The following KLF17 variants were observed in gnomAD, a reference collection of about 807,000 sequenced individuals.
KLF17 encodes KLF transcription factor 17.
A neutral mutation model predicts 34.2 loss-of-function variants in KLF17; 31 were observed. The observed-to-expected ratio is 0.91, with a 90% confidence interval of 0.68 to 1.22. The LOEUF (loss-of-function observed/expected upper bound fraction) is 1.22, where lower values mean the gene tolerates loss of function less well. Ranked by LOEUF, KLF17 falls within the 50% of genes most tolerant of loss-of-function variation. The pLI is 0.00. For synonymous variants in KLF17, 179 were observed against 186.7 expected, an observed-to-expected ratio of 0.96 and a Z score of 0.34; for missense variants, 478 against 505.2, an observed-to-expected ratio of 0.95 and a Z score of 0.52.
chr1:44,103,343 C>A, the KLF17 span: 3 of 641,016 alleles, frequency 4.7e-6, no homozygotes, highest in East Asian at 2.8e-5. Context: ...GGACACCGGA[C>A]TCGGACACCG....
chr1:44,119,459 T>C (rs2087922350), intron 1 of KLF17, among the ~76,000 whole-genome samples: 1 of 151,470 alleles, frequency 6.6e-6, no homozygotes, highest in Non-Finnish European at 1.5e-5. Context: ...GTGGTAGGCT[T>C]TTCCCAGACC....
the KLF17 span, among the ~76,000 whole-genome samples, chr1:44,074,498 C>G: frequency 2.0e-5 from 3 of 152,158 alleles, no homozygotes; most frequent in African/African-American, 7.2e-5. Context: ...TCCAGTCTGC[C>G]CACCCAGGGG....
At position 44,129,901 on chromosome 1, in the gene KLF17, G is replaced by A; in HGVS notation, c.630G>A (p.Gln210=). 6.2e-7 allele frequency: 1 copy of A among 1,614,194 alleles called. No individual in the cohort carries two copies. Among genetic ancestry groups the A allele is most frequent in the Non-Finnish European group, 8.5e-7 (1 of 1,180,044 alleles). ...AGGCAGTGCTCCCCTCCATGGCTCAGATGTTGCCCCCGCAAGATGCCCATG... is the reference window on the plus strand; with the variant it reads ...AGGCAGTGCTCCCCTCCATGGCTCAAATGTTGCCCCCGCAAGATGCCCATG... ...EAQAVLPSMA[Q]MLPPQDAHDL... Residue 210 remains glutamine, a synonymous_variant, in exon 2 of 4, where the codon CAG becomes CAA. Coordinates refer to ENST00000372299, the MANE Select transcript of KLF17 (RefSeq NM_173484.4).
chr1:44,048,149 T>C, the KLF17 span: 2 of 152,004 alleles, frequency 1.3e-5, no homozygotes, highest in Non-Finnish European at 2.9e-5. Flanking sequence ...CTAATGGCAA[T>C]GGCCCAGAGA....
At chr1:44,050,430 A>G in the KLF17 span, among the ~76,000 whole-genome samples, 2 of 152,316 alleles carry the variant, frequency 1.3e-5, no homozygotes, top group East Asian at 3.9e-4. Flanking sequence ...CAGTGACCCA[A>G]CAACTGGGAA....
the KLF17 span, among the ~76,000 whole-genome samples, chr1:44,077,111 G>A: frequency 0.41 from 61,700 of 151,042 alleles, 12,983 homozygotes; most frequent in East Asian, 0.56. Flanking sequence ...TTGGAAGGCC[G>A]AGGCGGGCAG....
chr1:44,099,628 A>T, the KLF17 span, among the ~76,000 whole-genome samples: 1 of 151,636 alleles, frequency 6.6e-6, no homozygotes, highest in African/African-American at 2.4e-5. Context: ...AGCCTGGCCA[A>T]CATGGTTAAA....
chr1:44,131,612 C>T (rs1407102786), intron 3 of KLF17, among the ~76,000 whole-genome samples: 2 of 152,194 alleles, frequency 1.3e-5, no homozygotes, highest in Non-Finnish European at 2.9e-5. Context: ...TTCTTCCCAC[C>T]ACTTTACAGA....
At chr1:44,089,192 A>G in the KLF17 span, among the ~76,000 whole-genome samples, 1 of 152,182 alleles carries the variant, frequency 6.6e-6, no homozygotes, top group Non-Finnish European at 1.5e-5. Context: ...ATAGAAGAAA[A>G]TATCTGCAAT....
the KLF17 span, among the ~76,000 whole-genome samples, chr1:44,074,485 C>T: frequency 3.9e-5 from 6 of 152,184 alleles, no homozygotes; most frequent in Non-Finnish European, 7.3e-5. Flanking sequence ...ATACCTTCCC[C>T]ATTCCAGTCT....
the KLF17 span, among the ~76,000 whole-genome samples, chr1:44,085,043 C>T: frequency 3.3e-5 from 5 of 151,144 alleles, no homozygotes; most frequent in African/African-American, 1.2e-4. Flanking sequence ...GTGAGCATTA[C>T]TGTTCATTCA....
chr1:44,055,442 G>A, the KLF17 span, among the ~76,000 whole-genome samples: 2 of 152,120 alleles, frequency 1.3e-5, no homozygotes, highest in South Asian at 2.1e-4. Context: ...ATTTTCCCAC[G>A]GGTTTTTACT....
chr1:44,094,565 C>T, the KLF17 span, among the ~76,000 whole-genome samples: 1 of 152,162 alleles, frequency 6.6e-6, no homozygotes, highest in Non-Finnish European at 1.5e-5. Context: ...CTATGGCTAT[C>T]CATTTTCCCC....
At chr1:44,057,019 G>A in the KLF17 span, among the ~76,000 whole-genome samples, 7 of 151,916 alleles carry the variant, frequency 4.6e-5, no homozygotes, top group South Asian at 2.1e-4. Context: ...TCATTCCTGC[G>A]TGGAAACCAT....
chr1:44,057,990 G>A, the KLF17 span, among the ~76,000 whole-genome samples: 1 of 152,198 alleles, frequency 6.6e-6, no homozygotes, highest in East Asian at 1.9e-4. Context: ...TTCACCGAGT[G>A]GATAGAGGAT....
At chr1:44,091,635 C>CAAAAAAAA in the KLF17 span, among the ~76,000 whole-genome samples, 8 of 79,024 alleles carry the variant, frequency 1.0e-4, no homozygotes, top group South Asian at 4.4e-4. Flanking sequence ...GACTCCATCT[C>CAAAAAAAA]AAAAAAAAAA....
At chr1:44,114,817 T>G (rs144103158), upstream of KLF17, 62 of 152,368 alleles carry the variant, frequency 4.1e-4, no homozygotes, top group African/African-American at 1.4e-3. Context: ...TTGGTTTAAG[T>G]TCTAAATAAT....
At chr1:44,084,928 G>T in the KLF17 span, among the ~76,000 whole-genome samples, 21 of 120,778 alleles carry the variant, frequency 1.7e-4, no homozygotes, top group Non-Finnish European at 2.8e-4. Context: ...ATAAAAATTA[G>T]AAAAAAAAAA....
chr1:44,085,530 C>T, the KLF17 span, among the ~76,000 whole-genome samples: 11 of 152,176 alleles, frequency 7.2e-5, no homozygotes, highest in South Asian at 2.1e-3. Flanking sequence ...CGGTGGCTCA[C>T]GCCTATAATC....
Sources: allele counts gnomAD v4.1 joint callset (sites outside exome capture counted in the v4.1 genomes callset), GRCh38; gene constraint gnomAD v4.1.1; transcripts MANE v1.5; gene names NCBI Gene and HGNC (gene_info 2026-07-23, HGNC 2026-07-21).